Variants in DCTN2 observed in about 807,000 individuals in gnomAD.
The protein encoded by DCTN2 is dynactin subunit 2.
DCTN2 carries 18 observed loss-of-function variants against 55.4 expected under a neutral mutation model. The ratio of observed to expected loss-of-function variants is 0.32; its 90% CI spans 0.22 to 0.48. The LOEUF is 0.48. Ranked by LOEUF, DCTN2 falls within the 20% of genes least tolerant of loss-of-function variation. The pLI is 0.99. For missense variants in DCTN2, 390 were observed against 491.0 expected (o/e 0.79, Z 1.94); for synonymous variants, 168 against 185.2 (o/e 0.91, Z 0.76).
At chr12:57,533,383 G>C in intron 7 of DCTN2, 80 bp from the exon 8 acceptor site, 1 of 1,283,496 alleles carries the variant, frequency 7.8e-7, no homozygotes. Context: ...GCTCTACTCT[G>C]CCTGCCACTC....
At chr12:57,538,297 G>GAGCACACTCTAGTCCTCCAGT in intron 2 of DCTN2, 1 of 625,440 alleles carries the variant, frequency 1.6e-6, no homozygotes, top group East Asian at 3.1e-5. Context: ...TGTGGCCCGG[G>GAGCACACTCTAGTCCTCCAGT]AGCACACTCT....
At chr12:57,537,362 G>GAAAAAAA (rs56278180) in intron 2 of DCTN2, among the ~76,000 whole-genome samples, 6 of 58,094 alleles carry the variant, frequency 1.0e-4, no homozygotes, top group East Asian at 5.0e-4. Context: ...AGAGAGAAAA[G>GAAAAAAA]AAAAAAAAAA....
rs771272798 is a variant in DCTN2, at chr12:57,534,025, G to C, written c.597C>G (p.Pro199=). The change falls in exon 7 of 14, where the codon CCC becomes CCG. Residue 199 remains proline (P), a synonymous_variant. Transcript: ENST00000548249. ...CATAAGTGACAAGGCTGCTATCTGG[G>C]GGGGTCCCAGTGGTTTTTCCCCCTG... is the stretch of plus-strand genomic sequence containing the variant. ...GGSGGKTTGT[P]PDSSLVTYEL... is the part of the protein sequence containing the mutation. The C allele has an allele frequency of 1.9e-6, 3 of 1,613,468 alleles. No homozygotes were observed. The highest frequency in any genetic ancestry group is 2.7e-5 in the African/African-American group (2 of 74,912).
At position 57,535,527 on chromosome 12, in the gene DCTN2, C is replaced by T; in HGVS notation, c.221G>A (p.Gly74Glu). The change falls in exon 4 of 14, where the codon GGA becomes GAA. Residue 74 changes from glycine to glutamate, a missense_variant. By Grantham distance (98) the Gly-to-Glu change is moderately conservative. This residue lies in a region of DCTN2 where 117 missense variants were observed against 187.8 expected (regional missense o/e 0.62). Transcript: ENST00000548249. Reference sequence around the variant, plus strand: ...TTCATATCCTGTCCTCTTGGTTTTTCCAATACGATCTGAGAAATCTGCCAA... The same window carrying T: ...TTCATATCCTGTCCTCTTGGTTTTTTCAATACGATCTGAGAAATCTGCCAA... ...TKGLDFSDRI[G>E]KTKRTGYESG... is the part of the protein sequence containing the mutation. 6.2e-7 allele frequency: 1 copy of T among 1,614,010 alleles called. No individual in the cohort carries two copies. Among genetic ancestry groups the T allele is most frequent in the Non-Finnish European group, 8.5e-7 (1 of 1,179,890 alleles).
chr12:57,540,020 C>A, intron 2 of DCTN2: 1 of 923,808 alleles, frequency 1.1e-6, no homozygotes, highest in Non-Finnish European at 1.3e-6. Context: ...CCACTGCACT[C>A]CAGCCTGGGT....
intron 2 of DCTN2, among the ~76,000 whole-genome samples, chr12:57,544,772 G>A (rs1452898837): frequency 6.6e-6 from 1 of 152,178 alleles, no homozygotes; most frequent in African/African-American, 2.4e-5. Flanking sequence ...ACAGAGAACC[G>A]ATTGTATACA....
intron 2 of DCTN2, among the ~76,000 whole-genome samples, chr12:57,541,974 T>G (rs1023108722): frequency 2.0e-5 from 3 of 152,218 alleles, no homozygotes; most frequent in Non-Finnish European, 4.4e-5. Context: ...TTTAAAGGGA[T>G]AGTAGAAAAA....
rs755781968 is a variant in DCTN2, at chr12:57,535,834, T to A, written c.117A>T (p.Thr39=). The A allele has an allele frequency of 6.2e-7, 1 of 1,613,258 alleles. No homozygotes were observed. The highest frequency in any genetic ancestry group is 1.1e-5 in the South Asian group (1 of 90,860). ...DQAEFDAEEL[T]STSVEHIIVN... is the part of the protein sequence containing the mutation. ...CAATGATGTGTTCCACACTTGTGCT[T>A]GTCAGCTCCTCCTGCAAGAACAGGT... Residue 39 remains threonine (T), a synonymous_variant, in exon 3 of 14, where the codon ACA becomes ACT. Coordinates refer to ENST00000548249, the MANE Select transcript of DCTN2 (RefSeq NM_001261413.2).
rs1393554168 is a variant in DCTN2, at chr12:57,535,013, G to A, written c.363+43C>T. ...TTCTTGCTTGAGGTCTTCCTCTACT[G>A]TGTAAGTCACAGCAGAGAAGGGAGA... On this transcript the variant is annotated intron_variant, in intron 5 of 13. Coordinates refer to ENST00000548249, the MANE Select transcript of DCTN2 (RefSeq NM_001261413.2). 2.6e-6 allele frequency: 4 copies of A among 1,509,840 alleles called. No homozygotes were observed. The East Asian group carries it at 6.8e-5, about 26-fold the overall frequency. The allele number at this position is 1,509,840 out of a possible 1,614,324, so 93.5% of individuals were successfully genotyped here.
In DCTN2 at chr12:57,546,823, G is replaced by A. The variant is rs936782933; in HGVS notation, c.36+205C>T. Among the ~76,000 whole-genome samples the A allele has an allele frequency of 3.3e-5, 5 of 152,348 alleles. No individual in the cohort carries two copies. The South Asian group carries it at 6.2e-4, about 19-fold the overall frequency. On this transcript the variant is annotated intron_variant, in intron 1 of 13. Transcript: ENST00000548249. ...CCGAGCTACCGGCGACTGCCGGAAA[G>A]GGGGCCTGGTGCGCCGTCCGGCGGC...
At chr12:57,534,727 G>A (rs190945883) in intron 5 of DCTN2, among the ~76,000 whole-genome samples, 71 of 152,294 alleles carry the variant, frequency 4.7e-4, no homozygotes, top group African/African-American at 1.6e-3. Flanking sequence ...GAGTGCAGTG[G>A]CATGATCTGG....
At chr12:57,539,237 G>A (rs772780919) in intron 2 of DCTN2, among the ~76,000 whole-genome samples, 4 of 152,202 alleles carry the variant, frequency 2.6e-5, no homozygotes, top group Admixed American at 6.5e-5. Context: ...AGCTGCTCCT[G>A]GTCCCTTGTG....
At chr12:57,534,586 G>A (rs1880063244) in intron 5 of DCTN2, 134 bp from the exon 6 acceptor site, 9 of 838,038 alleles carry the variant, frequency 1.1e-5, no homozygotes, top group Non-Finnish European at 1.6e-5. Context: ...CTGCCCACCT[G>A]TATGTAGCAC....
At chr12:57,535,971 T>C in intron 2 of DCTN2, 126 bp from the exon 3 acceptor site, 2 of 744,372 alleles carry the variant, frequency 2.7e-6, no homozygotes, top group Non-Finnish European at 4.5e-6. Context: ...GAAGGGTGGC[T>C]CTATTCCAAG....
chr12:57,536,067 A>G (rs1333419212), intron 2 of DCTN2: 1 of 562,296 alleles, frequency 1.8e-6, no homozygotes, highest in Non-Finnish European at 3.2e-6. Flanking sequence ...CCCTCATTCA[A>G]CTGGGAGCAG....
intron 5 of DCTN2, 150 bp downstream of exon 5, chr12:57,534,906 G>T: frequency 1.7e-6 from 1 of 600,168 alleles, no homozygotes; most frequent in Non-Finnish European, 2.9e-6. Context: ...CTGACCTCAG[G>T]TGATCCGCCT....
Position 57,532,990 on chromosome 12 carries a change from A to G in DCTN2, c.768T>C (p.Cys256=). The change falls in exon 9 of 14, where the codon TGT becomes TGC. Residue 256 remains cysteine, a synonymous_variant. Coordinates refer to ENST00000548249, the MANE Select transcript of DCTN2 (RefSeq NM_001261413.2). Reference sequence around the variant, plus strand: ...CAGTTTCTTCCAAACTCACCATGAGACAGGCTCCCTGTAGACCTGCAGAAA... The same window carrying G: ...CAGTTTCTTCCAAACTCACCATGAGGCAGGCTCCCTGTAGACCTGCAGAAA... ...NPLSAGLQGA[C]LMETVELLQA... 6.2e-7 allele frequency: 1 copy of G among 1,605,000 alleles called. No individual in the cohort carries two copies. Among genetic ancestry groups the G allele is most frequent in the Non-Finnish European group, 8.5e-7 (1 of 1,175,630 alleles).
At chr12:57,538,609 G>T in intron 2 of DCTN2, 1 of 705,492 alleles carries the variant, frequency 1.4e-6, no homozygotes, top group South Asian at 1.5e-5. Context: ...GGAAAAAAAA[G>T]ACAAAATTGT....
intron 2 of DCTN2, chr12:57,543,129 C>G (rs1880838389): frequency 2.3e-6 from 1 of 426,628 alleles, no homozygotes; most frequent in Admixed American, 2.5e-5. Flanking sequence ...ACAGGCGGAT[C>G]ACGAGGTCAG....
Sources: gnomAD v4.1 joint callset for allele counts (sites outside exome capture counted in the v4.1 genomes callset) on GRCh38, gnomAD v4.1.1 for gene constraint, gnomAD v4.1.1 regional missense constraint, MANE v1.5 for transcripts, NCBI Gene and HGNC (gene_info 2026-07-23, HGNC 2026-07-21) for gene names.